Variants in FLII observed in about 807,000 individuals in gnomAD.
FLII encodes protein flightless-1 homolog.
Under a neutral mutation model 156.2 loss-of-function variants are expected in FLII, and 101 were observed. The observed-to-expected ratio is 0.65, with a 90% CI of 0.55 to 0.76. The LOEUF is 0.76. Ranked by LOEUF, FLII falls within the 30% of genes least tolerant of loss-of-function variation. The probability of loss-of-function intolerance (pLI) is 0.00; values close to 1 mark genes in which losing one functional copy is unlikely to be tolerated. For synonymous variants in FLII, 767 were observed against 685.8 expected, an observed-to-expected ratio of 1.12 and a Z score of -1.85; for missense variants, 1,675 against 1,682.8, an observed-to-expected ratio of 1.00 and a Z score of 0.08.
chr17:18,249,065 C>T, intron 16 of FLII, 62 bp downstream of exon 16: 6 of 1,477,666 alleles, frequency 4.1e-6, no homozygotes, highest in Non-Finnish European at 5.7e-6. Context: ...CCCACACCTG[C>T]CCCCACTGGT....
chr17:18,256,745 T>A, intron 2 of FLII, 148 bp from the exon 3 acceptor site: 1 of 808,328 alleles, frequency 1.2e-6, no homozygotes. Context: ...TCACCCGGCC[T>A]CTTCTTGCAC....
At position 18,245,404 on chromosome 17, in the gene FLII, C is replaced by T; in HGVS notation, c.3625G>A (p.Gly1209Arg). ...DNGQEVYMWV[G>R]TQTSQVEIKL... ...ATCTCCACCTGGCTAGTCTGGGTCC[C>T]CACCCACATGTAGACCTGTGGGGGC... The change falls in exon 29 of 30, where the codon GGG (glycine) becomes AGG (arginine). Residue 1209 changes from glycine to arginine, a missense_variant. By Grantham distance (125) the Gly-to-Arg change is moderately radical. Transcript: ENST00000327031. The T allele has an allele frequency of 6.2e-7, 1 of 1,614,190 alleles. No homozygotes were observed.
Position 18,255,281 on chromosome 17 carries a change from G to A in FLII, c.247-18C>T. 1.2e-6 allele frequency: 2 copies of A among 1,605,074 alleles called. No individual in the cohort carries two copies. Among genetic ancestry groups the A allele is most frequent in the South Asian group, 2.2e-5 (2 of 90,774 alleles). ...ACGATGGCCTGGGAATAAACCATAA[G>A]AGTCTATAATTCCTGGCTTCCACTC... is the stretch of plus-strand genomic sequence containing the variant. On this transcript the variant is annotated intron_variant, in intron 3 of 29. Coordinates refer to ENST00000327031, the MANE Select transcript of FLII (RefSeq NM_002018.4).
At position 18,253,532 on chromosome 17, in the gene FLII, C is replaced by A. The variant is rs2048330238; in HGVS notation, c.855+12G>T. The A allele has an allele frequency of 6.2e-7, 1 of 1,612,942 alleles. No individual in the cohort carries two copies. Among genetic ancestry groups the A allele is most frequent in the African/African-American group, 1.3e-5 (1 of 74,940 alleles). ...CTTCCTCCCATCCCCCTACTGAGGG[C>A]CTCAGACGCACGGGCAGTGAGGTGA... On this transcript the variant is annotated intron_variant, in intron 8 of 29. Coordinates refer to ENST00000327031, the MANE Select transcript of FLII (RefSeq NM_002018.4).
chr17:18,245,665 GA>G lies in FLII; in HGVS notation c.3504-6del. 1 of 1,613,452 alleles carries G rather than the reference GA, an allele frequency of 6.2e-7. No individual in the cohort carries two copies. Among genetic ancestry groups the G allele is most frequent in the Non-Finnish European group, 8.5e-7 (1 of 1,179,724 alleles). The stretch of plus-strand genomic sequence containing the variant: ...TAGCCCTTCTCGTTGGAGCACCTGG[GA>G]ATCAAGGGTCAAGGTGAGGCCAGAG... On this transcript the variant is annotated splice_polypyrimidine_tract_variant and splice_region_variant and intron_variant, in intron 27 of 29. Transcript: ENST00000327031.
rs768959726 is a variant in FLII, at chr17:18,251,437, C to A, written c.1424G>T (p.Arg475Leu). ...DARAPSGKVR[R>L]WDQGLEKPRL... ...GGGCTTCTCCAGGCCCTGGTCCCAACGCCGCACCTTCCCGCTGGGGGCCCG... is the reference window on the plus strand; with the variant it reads ...GGGCTTCTCCAGGCCCTGGTCCCAAAGCCGCACCTTCCCGCTGGGGGCCCG... The change falls in exon 13 of 30, where the codon CGT becomes CTT. Residue 475 changes from arginine to leucine, a missense_variant. Around this residue, in one of 2 missense-constraint regions of FLII, gnomAD observed 1,332 missense variants for 1,269.3 expected, o/e 1.05. Coordinates refer to ENST00000327031, the MANE Select transcript of FLII (RefSeq NM_002018.4). 2.5e-6 allele frequency: 4 copies of A among 1,610,824 alleles called. No homozygotes were observed. Among genetic ancestry groups the A allele is most frequent in the African/African-American group, 2.7e-5 (2 of 74,914 alleles).
intron 20 of FLII, 97 bp downstream of exon 20, chr17:18,247,560 G>T: frequency 8.2e-7 from 1 of 1,225,050 alleles, no homozygotes; most frequent in Non-Finnish European, 1.1e-6. Flanking sequence ...AGGTGGGTTT[G>T]GGCCCAGCTC....
At chr17:18,251,932 T>C (rs1223236764) in intron 11 of FLII, 67 bp downstream of exon 11, 2 of 1,602,754 alleles carry the variant, frequency 1.2e-6, no homozygotes, top group Non-Finnish European at 1.7e-6. Context: ...GCCACCCAAT[T>C]TACAGATGTG....
chr17:18,253,689 C>T lies in FLII; in HGVS notation c.710G>A (p.Arg237Gln), dbSNP rs373517807. Residue 237 changes from arginine to glutamine, a missense_variant, in exon 8 of 30, where the codon CGG becomes CAG. Arg to Gln is a conservative substitution (Grantham distance 43). Around this residue, in one of 2 missense-constraint regions of FLII, gnomAD observed 343 missense variants for 413.5 expected, o/e 0.83. Coordinates refer to ENST00000327031, the MANE Select transcript of FLII (RefSeq NM_002018.4). ...DVDLSCNDLTRVPECLYTLPS... is the reference protein window; with the variant it reads ...DVDLSCNDLTQVPECLYTLPS... ...GAGGGTGTACAGACACTCGGGCACC[C>T]GTGTCAGGTCATTGCAGGACAGATC... is the stretch of plus-strand genomic sequence containing the variant. The T allele has an allele frequency of 4.3e-5, 69 of 1,612,936 alleles. No individual in the cohort carries two copies. The highest frequency in any genetic ancestry group is 5.3e-5 in the African/African-American group (4 of 74,868).
chr17:18,258,794 C>A, upstream of FLII: 2 of 654,438 alleles, frequency 3.1e-6, no homozygotes, highest in Non-Finnish European at 4.2e-6. The surrounding 1 kb of genome is among the most constrained non-coding windows in gnomAD (Gnocchi z 4.2). Flanking sequence ...CCCTTTAACC[C>A]GCCCGCGCCC....
intron 13 of FLII, 49 bp downstream of exon 13, chr17:18,251,216 G>C (rs764956643): frequency 6.1e-5 from 97 of 1,581,990 alleles, no homozygotes; most frequent in Non-Finnish European, 7.8e-5. Flanking sequence ...AGCCATCTTA[G>C]AGGAAGGTAC....
chr17:18,245,453 G>T (rs2142773004), intron 28 of FLII, 34 bp from the exon 29 acceptor site: 1 of 1,613,330 alleles, frequency 6.2e-7, no homozygotes, highest in East Asian at 2.2e-5. Flanking sequence ...CGGTTGCATG[G>T]GTGCCTGGGA....
rs1484669045 is a variant in FLII, at chr17:18,252,030, G to T, written c.1215C>A (p.Ala405=). The change falls in exon 11 of 30, where the codon GCC becomes GCA. Residue 405 remains alanine, a synonymous_variant. Transcript: ENST00000327031. ...CAGCTGCAGCCACGGTAGCAGGAGAGGCACCCGCTAGCCGCAGCTGGTTCT... is the reference window on the plus strand; with the variant it reads ...CAGCTGCAGCCACGGTAGCAGGAGATGCACCCGCTAGCCGCAGCTGGTTCT... ...SLQNQLRLAG[A]SPATVAAAAA... 1 of 1,612,746 alleles carries T rather than the reference G, an allele frequency of 6.2e-7. No homozygotes were observed.
At position 18,247,757 on chromosome 17, in the gene FLII, A is replaced by C. The variant is rs1327764282; in HGVS notation, c.2387T>G (p.Val796Gly). 1.2e-6 allele frequency: 2 copies of C among 1,607,764 alleles called. No homozygotes were observed. Among genetic ancestry groups the C allele is most frequent in the Non-Finnish European group, 1.7e-6 (2 of 1,179,862 alleles). ...IWLGRKSPRL[V>G]RAAALKLGQE... ...ACCCAGCTTGAGGGCGGCAGCGCGC[A>C]CCAGGCGCGGGGACTTGCGGCCGAG... The change falls in exon 20 of 30, where the codon GTG (valine) becomes GGG (glycine). Residue 796 changes from valine (V) to glycine (G), a missense_variant. Val to Gly is a moderately radical substitution (Grantham distance 109, BLOSUM62 -3). Around this residue, in one of 2 missense-constraint regions of FLII, gnomAD observed 1,332 missense variants for 1,269.3 expected, o/e 1.05. Coordinates refer to ENST00000327031, the MANE Select transcript of FLII (RefSeq NM_002018.4).
rs368568060 is a variant in FLII at position 18,252,161 on chromosome 17, G to T, written c.1099-15C>A. 1 of 1,610,416 alleles carries T rather than the reference G, an allele frequency of 6.2e-7. No individual in the cohort carries two copies. Among genetic ancestry groups the T allele is most frequent in the Non-Finnish European group, 8.5e-7 (1 of 1,177,738 alleles). ...ACATCCAGGACCTGCCCCATAGGGT[G>T]AGCAGAGCCGGCACTGAGCCTGGGT... On this transcript the variant is annotated splice_polypyrimidine_tract_variant and intron_variant, in intron 10 of 29. Transcript: ENST00000327031.
At position 18,247,136 on chromosome 17, in the gene FLII, C is replaced by G. The variant is rs548577705; in HGVS notation, c.2676+33G>C. On this transcript the variant is annotated intron_variant, in intron 21 of 29. Transcript: ENST00000327031. ...CGCCCTCGGCCTGCCCCCCACCCCC[C>G]CCCCCGCGCCCCGGTCCCGGCCCTG... The G allele has an allele frequency of 4.0e-5, 41 of 1,020,708 alleles. 1 individual carries two copies. In the Middle Eastern group the frequency reaches 1.3e-3, roughly 32 times the overall value. 63.2% of individuals were successfully genotyped at this position (1,020,708 alleles called of 1,614,324 possible).
intron 9 of FLII, 68 bp downstream of exon 9, chr17:18,253,233 G>C (rs2048321780): frequency 6.5e-7 from 1 of 1,535,564 alleles, no homozygotes; most frequent in Non-Finnish European, 9.0e-7. Flanking sequence ...CACAAGGTGG[G>C]CTCTGACTAC....
chr17:18,253,816 G>C, intron 7 of FLII, 97 bp from the exon 8 acceptor site: 3 of 1,252,830 alleles, frequency 2.4e-6, no homozygotes, highest in African/African-American at 1.5e-5. Flanking sequence ...CCTCTGAGCT[G>C]TGTGGCTTAG....
In FLII at chr17:18,258,055, A is replaced by C. The variant is rs2142883761; in HGVS notation, c.63+573T>G. ...CCAGCACCTGGCACACCGGCCTGAC[A>C]CACTCTCCACACCAACAAATCTCAC... On this transcript the variant is annotated intron_variant, in intron 1 of 29. Transcript: ENST00000327031. This position sits in a 1 kb window ranked among gnomAD's most constrained non-coding sequence, Gnocchi z 4.2. Among the ~76,000 whole-genome samples, 1 of 152,306 alleles carries C rather than the reference A, an allele frequency of 6.6e-6. No individual in the cohort carries two copies. Among genetic ancestry groups the C allele is most frequent in the South Asian group, 2.1e-4 (1 of 4,830 alleles).
Sources: gnomAD v4.1 joint callset for allele counts (sites outside exome capture counted in the v4.1 genomes callset) on GRCh38, gnomAD v4.1.1 for gene constraint, gnomAD v4.1.1 regional missense constraint, Gnocchi (gnomAD v3.1) non-coding constraint, MANE v1.5 for transcripts, NCBI Gene and HGNC (gene_info 2026-07-23, HGNC 2026-07-21) for gene names.